FRMD5: variants seen among roughly 807,000 people sequenced by gnomAD.
FRMD5 encodes FERM domain containing 5.
In FRMD5, 20 loss-of-function variants were observed where a neutral mutation model predicts 69.0. The ratio of observed to expected loss-of-function variants is 0.29; its 90% confidence interval spans 0.20 to 0.42. The LOEUF is 0.42. Among genes scored for constraint, FRMD5 ranks in the 10% least tolerant of loss-of-function variants. FRMD5 has a pLI of 1.00. For missense variants in FRMD5, 595 were observed against 708.6 expected (o/e 0.84, Z 1.82); for synonymous variants, 271 against 260.1 (o/e 1.04, Z -0.40).
intron 1 of FRMD5, among the ~76,000 whole-genome samples, chr15:43,960,673 C>T (rs2090184583): frequency 1.3e-5 from 2 of 151,970 alleles, no homozygotes; most frequent in Admixed American, 1.3e-4. Flanking sequence ...CGTGAGCCAC[C>T]GTGCCTGGTC....
chr15:43,928,539 G>A (rs1595528454), intron 1 of FRMD5, among the ~76,000 whole-genome samples: 1 of 152,132 alleles, frequency 6.6e-6, no homozygotes, highest in South Asian at 2.1e-4. Context: ...ACAAGCCAAC[G>A]GCAGGGGCAA....
intron 1 of FRMD5, among the ~76,000 whole-genome samples, chr15:43,973,072 G>A (rs1224579358): frequency 2.0e-5 from 3 of 152,112 alleles, no homozygotes; most frequent in African/African-American, 7.2e-5. Context: ...CTCCAGGCTG[G>A]AGTGCAGTGG....
intron 1 of FRMD5, among the ~76,000 whole-genome samples, chr15:44,011,784 A>G (rs1890732788): frequency 6.6e-6 from 1 of 152,232 alleles, no homozygotes; most frequent in Non-Finnish European, 1.5e-5. Flanking sequence ...TCTGAGAATC[A>G]GCAGACTGTC....
chr15:43,964,383 G>A (rs1264624678), intron 1 of FRMD5, among the ~76,000 whole-genome samples: 1 of 150,808 alleles, frequency 6.6e-6, no homozygotes, highest in African/African-American at 2.4e-5. Flanking sequence ...TGAAATAAGT[G>A]AGGCCAGGCA....
intron 13 of FRMD5, among the ~76,000 whole-genome samples, chr15:43,878,345 CTG>C (rs1398294828): frequency 1.3e-5 from 2 of 152,164 alleles, no homozygotes; most frequent in East Asian, 3.9e-4. Flanking sequence ...GATGACTTAA[CTG>C]TAGTCGGATT....
At chr15:44,121,614 T>TGGGG (rs2076952451) in intron 1 of FRMD5, among the ~76,000 whole-genome samples, 2 of 151,826 alleles carry the variant, frequency 1.3e-5, no homozygotes. Context: ...TTCTAGATCT[T>TGGGG]TCATGGGTAT....
intron 8 of FRMD5, among the ~76,000 whole-genome samples, chr15:43,889,972 G>A (rs2088756317): frequency 6.6e-6 from 1 of 152,134 alleles, no homozygotes; most frequent in African/African-American, 2.4e-5. Context: ...ACTTACTGCT[G>A]GAAAAAGTTC....
chr15:44,108,036 T>C (rs931019242), intron 1 of FRMD5, among the ~76,000 whole-genome samples: 3 of 152,198 alleles, frequency 2.0e-5, no homozygotes, highest in South Asian at 4.1e-4. Context: ...AAACAAATTA[T>C]AGACTAAACC....
At chr15:43,966,505 C>T (rs1227412234) in intron 1 of FRMD5, among the ~76,000 whole-genome samples, 1 of 151,976 alleles carries the variant, frequency 6.6e-6, no homozygotes, top group Non-Finnish European at 1.5e-5. Context: ...GATTAATTGC[C>T]AAACCAATCA....
At chr15:44,128,246 G>A (rs757713377) in intron 1 of FRMD5, among the ~76,000 whole-genome samples, 1 of 152,202 alleles carries the variant, frequency 6.6e-6, no homozygotes, top group African/African-American at 2.4e-5. Context: ...TTGGGAGGCC[G>A]AGGCGGGTGG....
chr15:43,987,999 C>T (rs973699474), intron 1 of FRMD5, among the ~76,000 whole-genome samples: 2 of 152,190 alleles, frequency 1.3e-5, no homozygotes, highest in African/African-American at 4.8e-5. Context: ...GAACTAGATT[C>T]TCATAAGGAG....
At chr15:44,026,919 G>A (rs996629315) in intron 1 of FRMD5, among the ~76,000 whole-genome samples, 1 of 152,122 alleles carries the variant, frequency 6.6e-6, no homozygotes, top group Admixed American at 6.6e-5. Context: ...GCTTGCCTCT[G>A]GCGTAAGTAA....
At chr15:44,028,239 G>C (rs1891526029) in intron 1 of FRMD5, among the ~76,000 whole-genome samples, 1 of 152,150 alleles carries the variant, frequency 6.6e-6, no homozygotes, top group Admixed American at 6.5e-5. Context: ...CCATACAAAA[G>C]GGAGTGTAGA....
At chr15:44,158,299 G>GA (rs2077558268) in intron 1 of FRMD5, among the ~76,000 whole-genome samples, 1 of 151,998 alleles carries the variant, frequency 6.6e-6, no homozygotes, top group Non-Finnish European at 1.5e-5. Flanking sequence ...AAAGAAAGGA[G>GA]AAAAAATAGA....
intron 4 of FRMD5, among the ~76,000 whole-genome samples, chr15:43,911,444 AG>A (rs897494054): frequency 6.6e-6 from 1 of 152,226 alleles, no homozygotes; most frequent in Non-Finnish European, 1.5e-5. Flanking sequence ...CTTTGCCAAC[AG>A]CCAGCAAGGA....
chr15:44,161,170 C>T (rs746422594), intron 1 of FRMD5, among the ~76,000 whole-genome samples: 4 of 152,152 alleles, frequency 2.6e-5, no homozygotes, highest in Admixed American at 1.3e-4. Flanking sequence ...TCCATCTGTG[C>T]TCATGTTGTT....
At chr15:43,909,750 G>C in intron 5 of FRMD5, 132 bp downstream of exon 5, 1 of 555,964 alleles carries the variant, frequency 1.8e-6, no homozygotes, top group Non-Finnish European at 3.2e-6. Context: ...AAAGTGCTAG[G>C]ACTACAAGCG....
At chr15:44,184,088 C>T (rs1474744540) in intron 1 of FRMD5, among the ~76,000 whole-genome samples, 3 of 152,156 alleles carry the variant, frequency 2.0e-5, no homozygotes, top group Admixed American at 2.0e-4. Context: ...ACTCCAACCC[C>T]TCTGTTTCTC....
intron 1 of FRMD5, among the ~76,000 whole-genome samples, chr15:44,017,636 T>C (rs1474135083): frequency 6.7e-6 from 1 of 149,332 alleles, no homozygotes; most frequent in African/African-American, 2.5e-5. Flanking sequence ...TTTTTGAGAC[T>C]GGCTCTGTGG....
Sources: gnomAD v4.1 joint callset for allele counts (sites outside exome capture counted in the v4.1 genomes callset) on GRCh38, gnomAD v4.1.1 for gene constraint, MANE v1.5 for transcripts, NCBI Gene and HGNC (gene_info 2026-07-23, HGNC 2026-07-21) for gene names.